TSPAN33: variants seen among roughly 807,000 people sequenced by gnomAD.
TSPAN33 encodes tetraspanin 33, also known as tetraspanin-33.
TSPAN33 carries 27 observed loss-of-function variants against 34.8 expected under a neutral mutation model. That is an observed-to-expected ratio of 0.78 (90% CI 0.57 to 1.07). TSPAN33 has a LOEUF of 1.07. Ranked by LOEUF, TSPAN33 falls within the 50% of genes least tolerant of loss-of-function variation. TSPAN33 has a pLI of 0.00. For synonymous variants in TSPAN33, 119 were observed against 124.2 expected (o/e 0.96, Z 0.28); for missense variants, 272 against 324.9 (o/e 0.84, Z 1.25).
chr7:129,164,595 G>A lies in TSPAN33; in HGVS notation c.459+26G>A, dbSNP rs1273897591. On this transcript the variant is annotated intron_variant, in intron 5 of 7. Transcript: ENST00000486685. Reference sequence around the variant, plus strand: ...GTATGGGTCAGCCAGTGGTCTGGGGGACTGTGGGTAAAAGTGAATGTCATC... The same window carrying A: ...GTATGGGTCAGCCAGTGGTCTGGGGAACTGTGGGTAAAAGTGAATGTCATC... 3.7e-6 allele frequency: 6 copies of A among 1,600,082 alleles called. No homozygotes were observed. The South Asian group carries it at 4.4e-5, about 12-fold the overall frequency.
chr7:129,164,623 A>G lies in TSPAN33; in HGVS notation c.459+54A>G. The G allele has an allele frequency of 2.7e-6, 4 of 1,501,528 alleles. No individual in the cohort carries two copies. In the Middle Eastern group the frequency reaches 5.2e-4, roughly 195 times the overall value. 93.0% of individuals were successfully genotyped at this position (1,501,528 alleles called of 1,614,324 possible). On this transcript the variant is annotated intron_variant, in intron 5 of 7. Coordinates refer to ENST00000486685, the MANE Select transcript of TSPAN33 (RefSeq NM_178562.5). The stretch of plus-strand genomic sequence containing the variant: ...TGTGGGTAAAAGTGAATGTCATCCC[A>G]AGAGATGCCTCACCCTCTATGCCTG...
chr7:129,150,967 A>G (rs1475909178), intron 1 of TSPAN33, among the ~76,000 whole-genome samples: 1 of 152,170 alleles, frequency 6.6e-6, no homozygotes, highest in East Asian at 1.9e-4. Context: ...GCAGGAGACA[A>G]TCATTATTGG....
At chr7:129,146,946 T>A (rs1810528486) in intron 1 of TSPAN33, among the ~76,000 whole-genome samples, 1 of 152,042 alleles carries the variant, frequency 6.6e-6, no homozygotes, top group African/African-American at 2.4e-5. Flanking sequence ...GGTCATTTTT[T>A]TTTTCTCGAG....
At chr7:129,147,184 A>C (rs1405337428) in intron 1 of TSPAN33, among the ~76,000 whole-genome samples, 2 of 152,128 alleles carry the variant, frequency 1.3e-5, no homozygotes, top group Non-Finnish European at 2.9e-5. Context: ...TAGAAATAGC[A>C]CACTGAAAGA....
rs202097152 is a variant in TSPAN33, at chr7:129,163,335, T to TTC, written c.363+429_363+430insCT. ...TTGAGGTTTATTTTTCTTTCTTTCT[T>TTC]TTTTTTTTTTTTTTTGGTTGTTGTT... is the stretch of plus-strand genomic sequence containing the variant. On this transcript the variant is annotated intron_variant, in intron 4 of 7. Transcript: ENST00000486685. Among the ~76,000 whole-genome samples the TTC allele has an allele frequency of 7.7e-3, 1,124 of 146,888 alleles. 13 individuals carry two copies. The highest frequency in any genetic ancestry group is 0.025 in the African/African-American group (1,005 of 40,382).
intron 4 of TSPAN33, 131 bp downstream of exon 4, chr7:129,163,038 T>A (rs946478043): frequency 1.1e-5 from 9 of 810,260 alleles, no homozygotes; most frequent in Admixed American, 4.8e-5. Context: ...GAAAAGTTCA[T>A]TAGGGGTGAA....
rs112871490 is a variant in TSPAN33, at chr7:129,164,710, C to T, written c.459+141C>T. On this transcript the variant is annotated intron_variant, in intron 5 of 7. Coordinates refer to ENST00000486685, the MANE Select transcript of TSPAN33 (RefSeq NM_178562.5). ...GGAAGGGGTTTGGCAAAAAAGCACA[C>T]GTAGCAGAGTGCTTTAAATGTACTT... 3,576 of 715,174 alleles carry T rather than the reference C, an allele frequency of 5.0e-3. 101 individuals are homozygous for T. The African/African-American group carries it at 0.056, about 11-fold the overall frequency. 44.3% of individuals were successfully genotyped at this position (715,174 alleles called of 1,614,324 possible).
chr7:129,162,769 T>C (rs1793072178), intron 3 of TSPAN33, 64 bp from the exon 4 acceptor site: 1 of 1,569,446 alleles, frequency 6.4e-7, no homozygotes. Flanking sequence ...AGCATCCCCT[T>C]GGCCCTGGAA....
At chr7:129,159,329 A>T (rs1177656564) in intron 1 of TSPAN33, among the ~76,000 whole-genome samples, 1 of 152,236 alleles carries the variant, frequency 6.6e-6, no homozygotes, top group Non-Finnish European at 1.5e-5. Flanking sequence ...TGCTGGGATT[A>T]TAGGCGTGAG....
intron 2 of TSPAN33, 65 bp from the exon 3 acceptor site, chr7:129,162,329 C>T: frequency 1.3e-6 from 2 of 1,596,884 alleles, no homozygotes; most frequent in Non-Finnish European, 1.7e-6. Flanking sequence ...GGGGCACCCT[C>T]CCACCCCATC....
chr7:129,168,248 T>G lies in TSPAN33; in HGVS notation c.*374T>G. The G allele has an allele frequency of 4.8e-6, 1 of 207,974 alleles. No individual in the cohort carries two copies. 12.9% of individuals were successfully genotyped at this position (207,974 alleles called of 1,614,324 possible). A position where few individuals can be genotyped will look rare whatever the true frequency, so the allele number is the denominator to read the frequency against. ...GGGATGCTCCTGAGCTTGGCGGACATACTTAGATCCTAACGTGCCAGTGAG... is the reference window on the plus strand; with the variant it reads ...GGGATGCTCCTGAGCTTGGCGGACAGACTTAGATCCTAACGTGCCAGTGAG... On this transcript the variant is annotated 3_prime_UTR_variant, in exon 8 of 8. Coordinates refer to ENST00000486685, the MANE Select transcript of TSPAN33 (RefSeq NM_178562.5).
chr7:129,164,115 G>A lies in TSPAN33; in HGVS notation c.364-359G>A, dbSNP rs938718879. Among the ~76,000 whole-genome samples the A allele has an allele frequency of 2.6e-5, 4 of 152,126 alleles. No homozygotes were observed. The South Asian group carries it at 8.3e-4, about 31-fold the overall frequency. Reference sequence around the variant, plus strand: ...GCAATTATCTAGTGTCCACTAGAGGGCAGTGCCTCAGCTCAGTAAGCTACT... The same window carrying A: ...GCAATTATCTAGTGTCCACTAGAGGACAGTGCCTCAGCTCAGTAAGCTACT... On this transcript the variant is annotated intron_variant, in intron 4 of 7. Coordinates refer to ENST00000486685, the MANE Select transcript of TSPAN33 (RefSeq NM_178562.5).
intron 5 of TSPAN33, 90 bp from the exon 6 acceptor site, chr7:129,166,688 G>T: frequency 6.6e-7 from 1 of 1,518,056 alleles, no homozygotes; most frequent in Non-Finnish European, 8.9e-7. Context: ...GTAGAAGCTT[G>T]CTATAGACTT....
intron 1 of TSPAN33, among the ~76,000 whole-genome samples, chr7:129,145,570 C>A (rs537395863): frequency 2.2e-4 from 33 of 151,882 alleles, no homozygotes; most frequent in Non-Finnish European, 2.9e-4. Flanking sequence ...CTCCACCCCC[C>A]CAAAGTCTAG....
At chr7:129,159,093 C>T (rs564355665) in intron 1 of TSPAN33, among the ~76,000 whole-genome samples, 4 of 149,810 alleles carry the variant, frequency 2.7e-5, no homozygotes, top group East Asian at 4.0e-4. Flanking sequence ...TGAAGTCTCA[C>T]TCTGTTGCCC....
chr7:129,166,934 C>A, intron 6 of TSPAN33, 28 bp downstream of exon 6: 1 of 1,604,946 alleles, frequency 6.2e-7, no homozygotes, highest in South Asian at 1.1e-5. Flanking sequence ...CTCATTTCCT[C>A]CTAGGCAGCG....
chr7:129,167,449 G>A lies in TSPAN33; in HGVS notation c.639G>A (p.Leu213=). The A allele has an allele frequency of 1.2e-6, 2 of 1,613,822 alleles. No individual in the cohort carries two copies. The highest frequency in any genetic ancestry group is 1.7e-6 in the Non-Finnish European group (2 of 1,179,926). ...CGQGMQAFDY[L]EASKVIYTNG... is the part of the protein sequence containing the mutation. ...AAGGTATGCAGGCCTTTGACTACTTGGAAGCTAGCAAAGTCATCTACACCA... is the reference window on the plus strand; with the variant it reads ...AAGGTATGCAGGCCTTTGACTACTTAGAAGCTAGCAAAGTCATCTACACCA... Residue 213 remains leucine, a synonymous_variant, in exon 7 of 8, where the codon TTG becomes TTA. Transcript: ENST00000486685. This position sits in a 1 kb window ranked among gnomAD's most constrained non-coding sequence, Gnocchi z 4.6.
chr7:129,156,527 T>C (rs1242748661), intron 1 of TSPAN33, among the ~76,000 whole-genome samples: 1 of 152,240 alleles, frequency 6.6e-6, no homozygotes, highest in Admixed American at 6.5e-5. Context: ...TTCTCTGCTA[T>C]TCATTAAGTC....
intron 1 of TSPAN33, among the ~76,000 whole-genome samples, chr7:129,146,379 C>T (rs185751463): frequency 3.3e-5 from 5 of 152,272 alleles, no homozygotes; most frequent in Admixed American, 3.3e-4. Context: ...AGTTGTAAAA[C>T]TGGAAAAAAA....
Sources: gnomAD v4.1 joint callset for allele counts (sites outside exome capture counted in the v4.1 genomes callset) on GRCh38, gnomAD v4.1.1 for gene constraint, Gnocchi (gnomAD v3.1) non-coding constraint, MANE v1.5 for transcripts, NCBI Gene and HGNC (gene_info 2026-07-23, HGNC 2026-07-21) for gene names.